The following CCDC85A variants were observed in gnomAD, a reference collection of about 807,000 sequenced individuals.
CCDC85A encodes coiled-coil domain containing 85A, also known as coiled-coil domain-containing protein 85A.
In CCDC85A, 38 loss-of-function variants were observed where a neutral mutation model predicts 50.2. The ratio of observed to expected loss-of-function variants is 0.76; its 90% CI spans 0.58 to 0.99. The LOEUF is 0.99. CCDC85A is among the 50% of genes least tolerant of loss of function. The pLI is 0.00. For synonymous variants in CCDC85A, 366 were observed against 301.4 expected, an observed-to-expected ratio of 1.21 and a Z score of -2.22; for missense variants, 820 against 742.0, an observed-to-expected ratio of 1.11 and a Z score of -1.22.
intron 2 of CCDC85A, among the ~76,000 whole-genome samples, chr2:56,251,705 C>T (rs1433388020): frequency 1.3e-5 from 2 of 151,880 alleles, no homozygotes; most frequent in African/African-American, 4.8e-5. Flanking sequence ...TGTCTACTCT[C>T]CCTTCTTTGG....
Position 56,192,602 on chromosome 2 carries a change from C to G in CCDC85A, c.402C>G (p.Ala134=). The G allele has an allele frequency of 3.1e-6, 5 of 1,613,830 alleles. No individual in the cohort carries two copies. The highest frequency in any genetic ancestry group is 3.4e-6 in the Non-Finnish European group (4 of 1,179,832). The part of the protein sequence containing the change: ...REWQRLGRYT[A]GVMHKEVALY... ...GGCAGAGACTGGGTCGCTACACTGC[C>G]GGGGTGATGCACAAGGAAGTGGCCT... is the stretch of plus-strand genomic sequence containing the variant. Residue 134 remains alanine, a synonymous_variant, in exon 2 of 6, where the codon GCC becomes GCG. Coordinates refer to ENST00000407595, the MANE Select transcript of CCDC85A (RefSeq NM_001080433.2). This position sits in a 1 kb window ranked among gnomAD's most constrained non-coding sequence, Gnocchi z 4.7.
At chr2:56,366,787 C>G (rs764425001) in intron 3 of CCDC85A, among the ~76,000 whole-genome samples, 3 of 152,150 alleles carry the variant, frequency 2.0e-5, no homozygotes, top group African/African-American at 4.8e-5. Context: ...CTCTGCCTGC[C>G]GAGGAGTCTG....
chr2:56,359,132 C>G (rs1407984604), intron 3 of CCDC85A, among the ~76,000 whole-genome samples: 1 of 152,042 alleles, frequency 6.6e-6, no homozygotes, highest in Non-Finnish European at 1.5e-5. Flanking sequence ...AATGCTCTTC[C>G]TAATATTTGC....
intron 2 of CCDC85A, among the ~76,000 whole-genome samples, chr2:56,281,258 A>G (rs1478877397): frequency 6.6e-6 from 1 of 152,138 alleles, no homozygotes; most frequent in Non-Finnish European, 1.5e-5. Context: ...ATGTTGTTGC[A>G]TGTATTATCT....
intron 2 of CCDC85A, among the ~76,000 whole-genome samples, chr2:56,276,451 G>A (rs1345699017): frequency 2.0e-5 from 3 of 152,070 alleles, no homozygotes; most frequent in African/African-American, 2.4e-5. Context: ...AGGAGGAACT[G>A]GTGGGAGGTG....
rs1447551878 is a variant in CCDC85A at position 56,342,470 on chromosome 2, G to A, written c.1241-409G>A. On this transcript the variant is annotated intron_variant, in intron 2 of 5. Transcript: ENST00000407595. ...TGGTTTTGCCCTGTTCTAAGTGTGCGTGATTTTACTAATTAATAATGATGT... is the reference window on the plus strand; with the variant it reads ...TGGTTTTGCCCTGTTCTAAGTGTGCATGATTTTACTAATTAATAATGATGT... Among the ~76,000 whole-genome samples, 4 of 152,278 alleles carry A rather than the reference G, an allele frequency of 2.6e-5. No individual in the cohort carries two copies. In the East Asian group the frequency reaches 7.7e-4, roughly 29 times the overall value.
At chr2:56,261,061 A>G (rs777657694) in intron 2 of CCDC85A, among the ~76,000 whole-genome samples, 11 of 152,248 alleles carry the variant, frequency 7.2e-5, no homozygotes, top group Non-Finnish European at 1.5e-4. Context: ...AACAGGCATC[A>G]GGACCCCTGG....
At chr2:56,357,070 C>T (rs1675272549) in intron 3 of CCDC85A, among the ~76,000 whole-genome samples, 1 of 148,018 alleles carries the variant, frequency 6.8e-6, no homozygotes, top group African/African-American at 2.5e-5. Flanking sequence ...CAGAGTGAGA[C>T]TCCATCTCAA....
At chr2:56,230,622 A>C (rs1668734853) in intron 2 of CCDC85A, among the ~76,000 whole-genome samples, 1 of 152,186 alleles carries the variant, frequency 6.6e-6, no homozygotes, top group African/African-American at 2.4e-5. Flanking sequence ...CTCAGCTCAC[A>C]TGTTACCTCC....
At chr2:56,284,776 AC>A (rs1671356553) in intron 2 of CCDC85A, among the ~76,000 whole-genome samples, 1 of 152,188 alleles carries the variant, frequency 6.6e-6, no homozygotes, top group Non-Finnish European at 1.5e-5. Context: ...TTTCTTATGC[AC>A]ATAAGTATTT....
chr2:56,234,031 G>A (rs1668891942), intron 2 of CCDC85A, among the ~76,000 whole-genome samples: 1 of 152,124 alleles, frequency 6.6e-6, no homozygotes, highest in African/African-American at 2.4e-5. Flanking sequence ...TAAAAGCTCG[G>A]TTATGAGGAC....
chr2:56,283,307 G>A (rs541653996), intron 2 of CCDC85A, among the ~76,000 whole-genome samples: 1 of 152,188 alleles, frequency 6.6e-6, no homozygotes, highest in African/African-American at 2.4e-5. Context: ...CCAGTCTCTT[G>A]GGAGTTTTTC....
At chr2:56,330,407 A>G (rs892427700) in intron 2 of CCDC85A, among the ~76,000 whole-genome samples, 3 of 152,184 alleles carry the variant, frequency 2.0e-5, no homozygotes, top group Non-Finnish European at 2.9e-5. Context: ...TGTGTGTTTT[A>G]TAGGTAGAAA....
chr2:56,240,232 G>T (rs542391800), intron 2 of CCDC85A, among the ~76,000 whole-genome samples: 1 of 152,028 alleles, frequency 6.6e-6, no homozygotes, highest in African/African-American at 2.4e-5. Flanking sequence ...GTTTGCATAG[G>T]GTATAACTTT....
chr2:56,209,119 C>T (rs922269699), intron 2 of CCDC85A, among the ~76,000 whole-genome samples: 12 of 152,064 alleles, frequency 7.9e-5, no homozygotes, highest in African/African-American at 2.9e-4. Flanking sequence ...TGCCTGAGTA[C>T]GTATCCAAGT....
intron 2 of CCDC85A, among the ~76,000 whole-genome samples, chr2:56,311,756 G>C (rs1023056106): frequency 3.3e-5 from 5 of 152,098 alleles, no homozygotes; most frequent in Admixed American, 2.0e-4. Context: ...TTTTGCAGAT[G>C]TAAAACCTGC....
intron 2 of CCDC85A, among the ~76,000 whole-genome samples, chr2:56,288,238 A>G (rs1003831366): frequency 5.9e-5 from 9 of 151,434 alleles, no homozygotes; most frequent in African/African-American, 2.2e-4. Context: ...CAAATTCATC[A>G]TGACTCACAA....
intron 2 of CCDC85A, among the ~76,000 whole-genome samples, chr2:56,332,006 C>T (rs1476286229): frequency 6.6e-6 from 1 of 152,198 alleles, no homozygotes; most frequent in Non-Finnish European, 1.5e-5. Flanking sequence ...ACACCTGCCC[C>T]GCCGTGCATT....
At chr2:56,237,477 C>G (rs978129855) in intron 2 of CCDC85A, among the ~76,000 whole-genome samples, 2 of 152,152 alleles carry the variant, frequency 1.3e-5, no homozygotes, top group African/African-American at 2.4e-5. Context: ...AACAATCTTG[C>G]TAAGTAATAA....
Sources: allele counts gnomAD v4.1 joint callset (sites outside exome capture counted in the v4.1 genomes callset), GRCh38; gene constraint gnomAD v4.1.1; non-coding constraint Gnocchi (gnomAD v3.1); transcripts MANE v1.5; gene names NCBI Gene and HGNC (gene_info 2026-07-23, HGNC 2026-07-21).